RASGEF1A: variants seen among roughly 807,000 people sequenced by gnomAD.
The protein encoded by RASGEF1A is RasGEF domain family member 1A, also known as ras-GEF domain-containing family member 1A.
Under a neutral mutation model 56.4 loss-of-function variants are expected in RASGEF1A, and 18 were observed. The ratio of observed to expected loss-of-function variants is 0.32; its 90% CI spans 0.22 to 0.47. The LOEUF is 0.47. RASGEF1A is among the 20% of genes least tolerant of loss of function. RASGEF1A has a pLI of 1.00. For missense variants in RASGEF1A, 422 were observed against 627.1 expected (o/e 0.67, Z 3.49); for synonymous variants, 245 against 242.6 (o/e 1.01, Z -0.09).
intron 1 of RASGEF1A, among the ~76,000 whole-genome samples, chr10:43,235,069 C>T (rs1448413438): frequency 6.6e-6 from 1 of 152,236 alleles, no homozygotes; most frequent in East Asian, 1.9e-4. Context: ...AGTGGGGAAC[C>T]CCTAAGCCTT....
At chr10:43,263,878 G>A (rs983784563) in intron 1 of RASGEF1A, among the ~76,000 whole-genome samples, 1 of 152,088 alleles carries the variant, frequency 6.6e-6, no homozygotes, top group Non-Finnish European at 1.5e-5. Context: ...ACCGGGCAGG[G>A]GTGGCCACAG....
At chr10:43,207,011 T>C (rs1840005301) in intron 1 of RASGEF1A, 3 of 985,372 alleles carry the variant, frequency 3.0e-6, no homozygotes, top group Admixed American at 6.1e-5. Context: ...TGGGAGTTCT[T>C]GTGAAGCCTA....
chr10:43,255,918 AGT>A (rs1376960021), intron 1 of RASGEF1A, among the ~76,000 whole-genome samples: 1 of 152,164 alleles, frequency 6.6e-6, no homozygotes, highest in Non-Finnish European at 1.5e-5. Flanking sequence ...GTGGGGGTGC[AGT>A]GTGGTCTGGG....
chr10:43,202,881 C>G (rs562550423), intron 3 of RASGEF1A, among the ~76,000 whole-genome samples: 1 of 148,236 alleles, frequency 6.7e-6, no homozygotes, highest in African/African-American at 2.5e-5. Flanking sequence ...CGCCCCAACC[C>G]TAGCCCTGAC....
Position 43,196,651 on chromosome 10 carries a change from C to A in RASGEF1A, c.1349-103G>T. ...CAGCCCAGCACAAGGGGACAGTGACCTCTGGCTGGGCTGAACACAGTTCTC... is the reference window on the plus strand; with the variant it reads ...CAGCCCAGCACAAGGGGACAGTGACATCTGGCTGGGCTGAACACAGTTCTC... On this transcript the variant is annotated intron_variant, in intron 11 of 12. Coordinates refer to ENST00000395810, the MANE Select transcript of RASGEF1A (RefSeq NM_145313.4). This position sits in a 1 kb window ranked among gnomAD's most constrained non-coding sequence, Gnocchi z 4.6. 2 of 1,119,188 alleles carry A rather than the reference C, an allele frequency of 1.8e-6. No homozygotes were observed. 69.3% of individuals were successfully genotyped at this position (1,119,188 alleles called of 1,614,324 possible).
At chr10:43,219,115 C>T (rs1458191046) in intron 1 of RASGEF1A, among the ~76,000 whole-genome samples, 1 of 152,212 alleles carries the variant, frequency 6.6e-6, no homozygotes, top group African/African-American at 2.4e-5. Flanking sequence ...AATCCCTGCC[C>T]TTTCCCGGCA....
At chr10:43,264,229 G>A (rs1364511593) in intron 1 of RASGEF1A, among the ~76,000 whole-genome samples, 2 of 151,676 alleles carry the variant, frequency 1.3e-5, no homozygotes, top group African/African-American at 2.4e-5. Flanking sequence ...CTGGCAGCTC[G>A]CCACTCTGGG....
At chr10:43,212,740 C>T (rs532743224) in intron 1 of RASGEF1A, among the ~76,000 whole-genome samples, 11 of 152,360 alleles carry the variant, frequency 7.2e-5, no homozygotes, top group African/African-American at 2.4e-4. Flanking sequence ...CCTGGATCTC[C>T]AGGACCTTTT....
Position 43,208,186 on chromosome 10 carries a change from T to C in RASGEF1A, c.-6-2064A>G, listed in dbSNP as rs2133191840. 4 of 985,372 alleles carry C rather than the reference T, an allele frequency of 4.1e-6. 1 individual carries two copies. In the Middle Eastern group the frequency reaches 2.1e-3, roughly 515 times the overall value. The allele number at this position is 985,372 out of a possible 1,614,324, so 61.0% of individuals were successfully genotyped here. A position where few individuals can be genotyped will look rare whatever the true frequency, so the allele number is the denominator to read the frequency against. On this transcript the variant is annotated intron_variant, in intron 1 of 12. Transcript: ENST00000395810. ...CTGGGTTCAAAAGGCGACCAGCAGG[T>C]GGTAACCTTGGTCAGTTGGGCCTCC...
chr10:43,202,607 G>T (rs1839918225), intron 3 of RASGEF1A: 2 of 465,734 alleles, frequency 4.3e-6, no homozygotes, highest in African/African-American at 2.0e-5. Flanking sequence ...CTCCGCGCCA[G>T]CCCACACCAG....
At chr10:43,210,453 A>G (rs887671762) in intron 1 of RASGEF1A, among the ~76,000 whole-genome samples, 2 of 152,174 alleles carry the variant, frequency 1.3e-5, no homozygotes, top group Non-Finnish European at 2.9e-5. Context: ...CAGCCTGGGC[A>G]ATGGAGCCAG....
chr10:43,251,040 C>T (rs1314431843), intron 1 of RASGEF1A, among the ~76,000 whole-genome samples: 5 of 152,206 alleles, frequency 3.3e-5, no homozygotes, highest in Non-Finnish European at 5.9e-5. Context: ...CTAGGGAGCA[C>T]CTCTGAGGCT....
At chr10:43,258,891 G>A (rs1344279706) in intron 1 of RASGEF1A, among the ~76,000 whole-genome samples, 3 of 152,236 alleles carry the variant, frequency 2.0e-5, no homozygotes, top group African/African-American at 7.2e-5. Flanking sequence ...ACAGCTGGGG[G>A]CCAGAGTGGA....
At chr10:43,217,024 C>G (rs1373203332) in intron 1 of RASGEF1A, among the ~76,000 whole-genome samples, 1 of 152,174 alleles carries the variant, frequency 6.6e-6, no homozygotes, top group Admixed American at 6.5e-5. Context: ...GTAAAAAGAG[C>G]CCTCCGGGAT....
intron 1 of RASGEF1A, among the ~76,000 whole-genome samples, chr10:43,235,885 G>T (rs57618678): frequency 6.6e-6 from 1 of 152,130 alleles, no homozygotes; most frequent in Non-Finnish European, 1.5e-5. Context: ...GACAGGGCCC[G>T]GGAAGTCACT....
At chr10:43,251,047 G>A (rs1333578952) in intron 1 of RASGEF1A, among the ~76,000 whole-genome samples, 1 of 152,232 alleles carries the variant, frequency 6.6e-6, no homozygotes, top group African/African-American at 2.4e-5. Context: ...GCACCTCTGA[G>A]GCTGCAGGGC....
Position 43,228,261 on chromosome 10 carries a change from C to G in RASGEF1A, c.-6-22139G>C, listed in dbSNP as rs75258866. 9.1e-4 allele frequency among the ~76,000 whole-genome samples: 139 copies of G among 152,336 alleles called. 2 individuals carry two copies. In the East Asian group the frequency reaches 0.024, roughly 26 times the overall value. ...ATGCCCCCCGCATAGCTCCCTCCCT[C>G]CCCTCCTTCAGCAGGTCCTGTGCAC... On this transcript the variant is annotated intron_variant, in intron 1 of 12. Coordinates refer to ENST00000395810, the MANE Select transcript of RASGEF1A (RefSeq NM_145313.4).
In RASGEF1A at chr10:43,259,120, G is replaced by C. The variant is rs150072948; in HGVS notation, c.-7+7725C>G. The stretch of plus-strand genomic sequence containing the variant: ...CATGCCAGCACAACACTTGGTCCCA[G>C]GGCTGGCAGCCAGGAGCACAGAGAA... On this transcript the variant is annotated intron_variant, in intron 1 of 12. Coordinates refer to ENST00000395810, the MANE Select transcript of RASGEF1A (RefSeq NM_145313.4). Among the ~76,000 whole-genome samples the C allele has an allele frequency of 1.8e-3, 272 of 152,330 alleles. 3 individuals are homozygous for C. Among genetic ancestry groups the C allele is most frequent in the African/African-American group, 6.0e-3 (248 of 41,576 alleles).
chr10:43,228,162 T>A (rs941413841), intron 1 of RASGEF1A, among the ~76,000 whole-genome samples: 12 of 152,302 alleles, frequency 7.9e-5, no homozygotes, highest in African/African-American at 2.6e-4. Context: ...CTGCTCCTGA[T>A]GCCCCAGTCT....
Sources: allele counts gnomAD v4.1 joint callset (sites outside exome capture counted in the v4.1 genomes callset), GRCh38; gene constraint gnomAD v4.1.1; non-coding constraint Gnocchi (gnomAD v3.1); transcripts MANE v1.5; gene names NCBI Gene and HGNC (gene_info 2026-07-23, HGNC 2026-07-21).